DNMT3A: variants seen among roughly 807,000 people sequenced by gnomAD.
DNMT3A encodes DNA methyltransferase 3 alpha, also known as DNA (cytosine-5)-methyltransferase 3A.
DNMT3A carries 267 observed loss-of-function variants against 117.6 expected under a neutral mutation model. The ratio of observed to expected loss-of-function variants is 2.27; its 90% CI spans 2.05 to 2.51. DNMT3A has a LOEUF of 2.51. DNMT3A is among the 30% of genes most tolerant of loss of function. The pLI is 0.00. For synonymous variants in DNMT3A, 432 were observed against 474.8 expected, an observed-to-expected ratio of 0.91 and a Z score of 1.17; for missense variants, 1,029 against 1,260.2, an observed-to-expected ratio of 0.82 and a Z score of 2.78.
Position 25,246,019 on chromosome 2 carries a change from C to G in DNMT3A, c.1474+1G>C. On this transcript the variant is annotated splice_donor_variant, in intron 12 of 22. Transcript: ENST00000321117. LOFTEE classifies it high-confidence loss of function. ...CCAGAGTTCCCAGGCAACAAACTTA[C>G]CCTCAATGTTCCGGCACTTCTGCCG... is the stretch of plus-strand genomic sequence containing the variant. The G allele has an allele frequency of 6.2e-7, 1 of 1,613,902 alleles. No individual in the cohort carries two copies. The highest frequency in any genetic ancestry group is 8.5e-7 in the Non-Finnish European group (1 of 1,179,812).
At chr2:25,341,413 G>A (rs1294470166) in intron 1 of DNMT3A, among the ~76,000 whole-genome samples, 2 of 145,546 alleles carry the variant, frequency 1.4e-5, no homozygotes, top group Admixed American at 6.8e-5. Context: ...GGCAGAGCCC[G>A]GAAGGCGGGG....
Position 25,237,918 on chromosome 2 carries a change from G to A in DNMT3A, c.2409-913C>T, listed in dbSNP as rs557581624. ...TTTCTGACATGTAAGGATATTTAAG[G>A]AAGGCTTCCCTGAGCACTGGCTCCA... On this transcript the variant is annotated intron_variant, in intron 20 of 22. Transcript: ENST00000321117. The surrounding 1 kb of genome is among the most constrained non-coding windows in gnomAD (Gnocchi z 5.4). Among the ~76,000 whole-genome samples, 1 of 152,326 alleles carries A rather than the reference G, an allele frequency of 6.6e-6. No homozygotes were observed. The highest frequency in any genetic ancestry group is 1.9e-4 in the East Asian group (1 of 5,190).
chr2:25,313,101 C>T (rs2034206461), intron 2 of DNMT3A, among the ~76,000 whole-genome samples: 1 of 152,136 alleles, frequency 6.6e-6, no homozygotes, highest in Non-Finnish European at 1.5e-5. Context: ...CAACACAGTC[C>T]AGTGCTGGGG....
At chr2:25,307,459 C>CTTTTTTT (rs35144977) in intron 2 of DNMT3A, among the ~76,000 whole-genome samples, 14 of 79,090 alleles carry the variant, frequency 1.8e-4, no homozygotes, top group Non-Finnish European at 2.7e-4. Context: ...CACACCGCAG[C>CTTTTTTT]TTTTTTTTTT....
Position 25,240,397 on chromosome 2 carries a change from G to C in DNMT3A, c.2227C>G (p.Pro743Ala), listed in dbSNP as rs1433353413. Residue 743 changes from proline (P) to alanine (A), a missense_variant, in exon 19 of 23, where the codon CCC (proline) becomes GCC (alanine). Physicochemically the swap from Pro to Ala is conservative, Grantham distance 27. Transcript: ENST00000321117. ...AAGGGGCGATCATCTCCCTCCTTGG[G>C]CCGCGCATCATGCAGGAGGCGGTAG... Reference protein sequence around the residue: ...EFYRLLHDARPKEGDDRPFFW... With the variant: ...EFYRLLHDARAKEGDDRPFFW... The C allele has an allele frequency of 1.2e-6, 2 of 1,613,864 alleles. No homozygotes were observed. The highest frequency in any genetic ancestry group is 1.1e-5 in the South Asian group (1 of 91,064).
intron 4 of DNMT3A, among the ~76,000 whole-genome samples, chr2:25,277,162 G>A (rs2031491491): frequency 6.6e-6 from 1 of 152,156 alleles, no homozygotes; most frequent in Non-Finnish European, 1.5e-5. Flanking sequence ...CTGTGCGCGT[G>A]GGCGGGCGCG....
intron 1 of DNMT3A, chr2:25,314,406 C>T: frequency 1.0e-6 from 1 of 985,294 alleles, no homozygotes; most frequent in Non-Finnish European, 1.2e-6. Flanking sequence ...CCAATGGGTG[C>T]CACTTCTGGG....
chr2:25,277,505 A>C (rs2031530312), intron 4 of DNMT3A, among the ~76,000 whole-genome samples: 1 of 151,708 alleles, frequency 6.6e-6, no homozygotes, highest in Admixed American at 6.6e-5. Flanking sequence ...GCTGGGAACC[A>C]CTGTGTCAGC....
intron 6 of DNMT3A, among the ~76,000 whole-genome samples, chr2:25,266,203 C>T (rs971641749): frequency 2.6e-5 from 4 of 152,208 alleles, no homozygotes; most frequent in African/African-American, 4.8e-5. Flanking sequence ...ATGGGAGCCT[C>T]TAGAACTTGT....
chr2:25,303,686 A>T (rs893351164), intron 2 of DNMT3A, among the ~76,000 whole-genome samples: 1 of 152,208 alleles, frequency 6.6e-6, no homozygotes, highest in Admixed American at 6.5e-5. Flanking sequence ...TCCCCTTGAC[A>T]TTTGGCCCTA....
intron 3 of DNMT3A, 36 bp downstream of exon 3, chr2:25,300,103 G>T: frequency 1.9e-6 from 3 of 1,604,030 alleles, no homozygotes; most frequent in Non-Finnish European, 2.6e-6. Flanking sequence ...TGTGTTGTGT[G>T]TGTGCACAGG....
rs1279633320 is a variant in DNMT3A, at chr2:25,235,797, CTCGTA to C, written c.2502_2506del (p.Thr835ValfsTer18). The C allele has an allele frequency of 6.2e-7, 1 of 1,614,104 alleles. No individual in the cohort carries two copies. Among genetic ancestry groups the C allele is most frequent in the Non-Finnish European group, 8.5e-7 (1 of 1,180,004 alleles). ...TTTGCCCTGCTTTATGGAGTTTGAC[CTCGTA>C]GTAATGGTCCTCACTTTGCTGAACT... On this transcript the variant is annotated frameshift_variant, in exon 22 of 23. Coordinates refer to ENST00000321117, the MANE Select transcript of DNMT3A (RefSeq NM_022552.5). LOFTEE classifies it high-confidence loss of function.
intron 19 of DNMT3A, among the ~76,000 whole-genome samples, chr2:25,239,987 G>A (rs1344317268): frequency 1.3e-5 from 2 of 152,220 alleles, no homozygotes. Context: ...AGATCCTGGT[G>A]TGTAACAAAC....
rs1456526409 is a variant in DNMT3A at position 25,274,580 on chromosome 2, G to T, written c.639+361C>A. On this transcript the variant is annotated intron_variant, in intron 6 of 22. Coordinates refer to ENST00000321117, the MANE Select transcript of DNMT3A (RefSeq NM_022552.5). Reference sequence around the variant, plus strand: ...CAGAGCCAGCTCTTCGGTTCCTTCAGACCTTAACTGAAATGCCACCTCCTC... The same window carrying T: ...CAGAGCCAGCTCTTCGGTTCCTTCATACCTTAACTGAAATGCCACCTCCTC... Among the ~76,000 whole-genome samples, 3 of 152,154 alleles carry T rather than the reference G, an allele frequency of 2.0e-5. No homozygotes were observed. The East Asian group carries it at 5.8e-4, about 29-fold the overall frequency.
chr2:25,269,055 C>T (rs1167355631), intron 6 of DNMT3A, among the ~76,000 whole-genome samples: 1 of 152,228 alleles, frequency 6.6e-6, no homozygotes, highest in Non-Finnish European at 1.5e-5. Flanking sequence ...AGTGCAGTGG[C>T]TCATGCCTGT....
In DNMT3A at chr2:25,295,930, G is replaced by A. The variant is rs140162288; in HGVS notation, c.177+4209C>T. Among the ~76,000 whole-genome samples, 361 of 152,278 alleles carry A rather than the reference G, an allele frequency of 2.4e-3. 2 individuals carry two copies. The highest frequency in any genetic ancestry group is 8.1e-3 in the African/African-American group (338 of 41,548). ...CACAGCTCAGCGACTATGCAATGGC[G>A]GTGCATTTTCAAACTGTCAGGGATG... On this transcript the variant is annotated intron_variant, in intron 3 of 22. Coordinates refer to ENST00000321117, the MANE Select transcript of DNMT3A (RefSeq NM_022552.5).
At position 25,247,423 on chromosome 2, in the gene DNMT3A, G is replaced by A; in HGVS notation, c.1014+168C>T. On this transcript the variant is annotated intron_variant, in intron 8 of 22. Coordinates refer to ENST00000321117, the MANE Select transcript of DNMT3A (RefSeq NM_022552.5). The surrounding 1 kb of genome is among the most constrained non-coding windows in gnomAD (Gnocchi z 5.6). ...AGCATCCTAGCTCTCTGAGCCACAG[G>A]TGCAACCTAATTATCCCTACAGCTT... is the stretch of plus-strand genomic sequence containing the variant. 9.0e-7 allele frequency: 1 copy of A among 1,113,352 alleles called. No individual in the cohort carries two copies. Among genetic ancestry groups the A allele is most frequent in the South Asian group, 1.6e-5 (1 of 61,942 alleles). The allele number at this position is 1,113,352 out of a possible 1,614,324, so 69.0% of individuals were successfully genotyped here. A position where few individuals can be genotyped will look rare whatever the true frequency, so the allele number is the denominator to read the frequency against.
intron 3 of DNMT3A, among the ~76,000 whole-genome samples, chr2:25,290,904 G>T (rs999614397): frequency 2.0e-5 from 3 of 152,148 alleles, no homozygotes; most frequent in Non-Finnish European, 4.4e-5. Context: ...AGATGCAGGG[G>T]CGACCTCACC....
intron 2 of DNMT3A, among the ~76,000 whole-genome samples, chr2:25,310,764 T>C (rs1275203348): frequency 6.6e-6 from 1 of 152,190 alleles, no homozygotes; most frequent in African/African-American, 2.4e-5. Context: ...GCAGAAGTTA[T>C]CTACACCAAT....
Sources: gnomAD v4.1 joint callset for allele counts (sites outside exome capture counted in the v4.1 genomes callset) on GRCh38, gnomAD v4.1.1 for gene constraint, Gnocchi (gnomAD v3.1) non-coding constraint, MANE v1.5 for transcripts, NCBI Gene and HGNC (gene_info 2026-07-23, HGNC 2026-07-21) for gene names.